CNTN5: variants seen among roughly 807,000 people sequenced by gnomAD.
CNTN5 encodes contactin-5.
In CNTN5, 77 loss-of-function variants were observed where a neutral mutation model predicts 129.1. The observed-to-expected ratio is 0.60, with a 90% confidence interval of 0.50 to 0.72. CNTN5 has a LOEUF of 0.72. Ranked by LOEUF, CNTN5 falls within the 30% of genes least tolerant of loss-of-function variation. The pLI is 0.00. For missense variants in CNTN5, 1,478 were observed against 1,328.8 expected (o/e 1.11, Z -1.75); for synonymous variants, 509 against 465.6 (o/e 1.09, Z -1.20).
chr11:100,076,793 C>T (rs1944148355), intron 13 of CNTN5, among the ~76,000 whole-genome samples: 1 of 152,018 alleles, frequency 6.6e-6, no homozygotes, highest in Admixed American at 6.6e-5. Flanking sequence ...AAAGCCCAGA[C>T]ATATATTGCA....
chr11:100,355,099 A>C (rs1007324706), intron 24 of CNTN5, among the ~76,000 whole-genome samples: 1 of 151,746 alleles, frequency 6.6e-6, no homozygotes, highest in Non-Finnish European at 1.5e-5. Context: ...ATAAACTTTA[A>C]ATTTTATCTC....
chr11:99,151,388 G>T (rs963396089), intron 1 of CNTN5, among the ~76,000 whole-genome samples: 1 of 152,198 alleles, frequency 6.6e-6, no homozygotes, highest in South Asian at 2.1e-4. Flanking sequence ...TGTCTTCATA[G>T]AAATATGATA....
chr11:99,541,043 T>C (rs10790789), intron 2 of CNTN5, among the ~76,000 whole-genome samples: 1 of 151,936 alleles, frequency 6.6e-6, no homozygotes, highest in Non-Finnish European at 1.5e-5. Context: ...CTCCCTGCCC[T>C]CTTAAATCTT....
intron 6 of CNTN5, among the ~76,000 whole-genome samples, chr11:99,851,557 T>C (rs1409646853): frequency 5.9e-5 from 9 of 152,198 alleles, no homozygotes; most frequent in Non-Finnish European, 5.9e-5. Context: ...TTAGAAATAA[T>C]TGATGCCAGA....
intron 3 of CNTN5, among the ~76,000 whole-genome samples, chr11:99,675,601 C>T (rs958122143): frequency 2.0e-5 from 3 of 152,120 alleles, no homozygotes; most frequent in South Asian, 2.1e-4. Context: ...AGGAGAGTTG[C>T]TTTAACCTGG....
chr11:99,147,192 T>C (rs1859831822), intron 1 of CNTN5, among the ~76,000 whole-genome samples: 3 of 152,168 alleles, frequency 2.0e-5, no homozygotes, highest in Admixed American at 1.3e-4. Context: ...CAGGACACAA[T>C]TAAAACCAAA....
chr11:100,337,648 G>C, intron 21 of CNTN5: 1 of 669,850 alleles, frequency 1.5e-6, no homozygotes, highest in Non-Finnish European at 2.8e-6. Context: ...GGGTACCTGA[G>C]ATTTTTTACA....
intron 1 of CNTN5, among the ~76,000 whole-genome samples, chr11:99,082,661 C>G (rs1377122396): frequency 1.3e-5 from 2 of 152,100 alleles, no homozygotes; most frequent in Admixed American, 1.3e-4. Context: ...TCTCTTTTAT[C>G]TAAGACACAA....
intron 9 of CNTN5, among the ~76,000 whole-genome samples, chr11:100,035,383 G>T (rs1189322740): frequency 6.9e-6 from 1 of 144,714 alleles, no homozygotes; most frequent in East Asian, 2.0e-4. Flanking sequence ...TTGGACATTT[G>T]GGTTGGTTCC....
intron 6 of CNTN5, among the ~76,000 whole-genome samples, chr11:99,873,101 G>GT (rs397942224): frequency 6.6e-6 from 1 of 150,606 alleles, no homozygotes; most frequent in Non-Finnish European, 1.5e-5. Context: ...TGCCACCCAG[G>GT]CAGGAGCTAG....
chr11:99,904,421 T>C (rs2135962055), intron 6 of CNTN5, among the ~76,000 whole-genome samples: 1 of 152,242 alleles, frequency 6.6e-6, no homozygotes, highest in South Asian at 2.1e-4. Flanking sequence ...GTTAGTTTGC[T>C]GAGAGTGATG....
chr11:100,030,545 C>G (rs184007133), intron 9 of CNTN5, among the ~76,000 whole-genome samples: 33 of 152,288 alleles, frequency 2.2e-4, no homozygotes, highest in African/African-American at 7.7e-4. Flanking sequence ...GAACCAATGT[C>G]ACAAGTGTGC....
At chr11:99,716,609 A>C (rs530398573) in intron 3 of CNTN5, among the ~76,000 whole-genome samples, 5 of 152,040 alleles carry the variant, frequency 3.3e-5, no homozygotes, top group Non-Finnish European at 7.4e-5. Flanking sequence ...TGTATTCTCT[A>C]TCTCAAACTA....
At chr11:99,330,836 A>G (rs1021261622) in intron 2 of CNTN5, among the ~76,000 whole-genome samples, 53 of 152,158 alleles carry the variant, frequency 3.5e-4, no homozygotes, top group African/African-American at 1.2e-3. Context: ...AGTTTAAAAC[A>G]AGTTGATATC....
intron 15 of CNTN5, among the ~76,000 whole-genome samples, chr11:100,208,093 A>G (rs756532446): frequency 3.3e-5 from 5 of 152,208 alleles, no homozygotes; most frequent in Non-Finnish European, 7.3e-5. Context: ...TTAAGTATCA[A>G]TGAATACCTT....
At chr11:99,501,172 C>T (rs1299699806) in intron 2 of CNTN5, among the ~76,000 whole-genome samples, 1 of 152,102 alleles carries the variant, frequency 6.6e-6, no homozygotes, top group African/African-American at 2.4e-5. Context: ...ATGGTTGAAT[C>T]ACCTATGCTG....
At chr11:99,645,229 C>T (rs1170715071) in intron 3 of CNTN5, among the ~76,000 whole-genome samples, 3 of 121,378 alleles carry the variant, frequency 2.5e-5, no homozygotes, top group Non-Finnish European at 4.8e-5. Flanking sequence ...CACTGCACTC[C>T]AGCCTGGGCA....
intron 3 of CNTN5, among the ~76,000 whole-genome samples, chr11:99,600,393 C>A (rs1243221048): frequency 1.3e-5 from 2 of 152,108 alleles, no homozygotes; most frequent in Non-Finnish European, 2.9e-5. Flanking sequence ...ATTAATGTGA[C>A]ACATTTAATT....
intron 2 of CNTN5, among the ~76,000 whole-genome samples, chr11:99,345,303 A>T (rs1338462103): frequency 9.2e-5 from 14 of 152,182 alleles, no homozygotes; most frequent in Admixed American, 9.2e-4. Flanking sequence ...TGAGGGGGAT[A>T]TAATCTTTTT....
Sources: allele counts gnomAD v4.1 joint callset (sites outside exome capture counted in the v4.1 genomes callset), GRCh38; gene constraint gnomAD v4.1.1; transcripts MANE v1.5; gene names NCBI Gene and HGNC (gene_info 2026-07-23, HGNC 2026-07-21).